CACNG4: variants seen among roughly 807,000 people sequenced by gnomAD.
CACNG4 encodes the protein calcium voltage-gated channel auxiliary subunit gamma 4.
Under a neutral mutation model 22.9 loss-of-function variants are expected in CACNG4, and 8 were observed. The observed-to-expected ratio is 0.35, with a 90% CI of 0.21 to 0.63. CACNG4 has a LOEUF of 0.63. CACNG4 is among the 30% of genes least tolerant of loss of function. CACNG4 has a pLI of 0.72. For synonymous variants in CACNG4, 188 were observed against 191.9 expected (o/e 0.98, Z 0.17); for missense variants, 357 against 455.4 (o/e 0.78, Z 1.97).
At chr17:67,003,614 G>T (rs970145379) in intron 1 of CACNG4, among the ~76,000 whole-genome samples, 2 of 152,140 alleles carry the variant, frequency 1.3e-5, no homozygotes, top group African/African-American at 4.8e-5. Flanking sequence ...GTCATCCTGT[G>T]CATTGTAGAA....
chr17:67,017,741 C>G (rs530771666), intron 1 of CACNG4, among the ~76,000 whole-genome samples: 66 of 152,146 alleles, frequency 4.3e-4, no homozygotes, highest in Admixed American at 1.2e-3. Context: ...TGGTCTCGAT[C>G]TTCTGACCTC....
intron 1 of CACNG4, 69 bp downstream of exon 1, chr17:66,965,200 GCGCGCGCGCGCGCACA>G: frequency 3.2e-6 from 2 of 615,750 alleles, no homozygotes; most frequent in Non-Finnish European, 2.3e-6. Flanking sequence ...ACACACGCGC[GCGCGCGCGCGCGCACA>G]CACACACACG....
At chr17:66,965,212 GCACACACACA>G in intron 1 of CACNG4, 81 bp downstream of exon 1, 4 of 639,036 alleles carry the variant, frequency 6.3e-6, no homozygotes, top group Non-Finnish European at 9.4e-6. Flanking sequence ...GCGCGCGCGC[GCACACACACA>G]CACGCGCACA....
intron 1 of CACNG4, among the ~76,000 whole-genome samples, chr17:66,991,477 T>TG (rs2035340295): frequency 6.6e-6 from 1 of 152,210 alleles, no homozygotes; most frequent in African/African-American, 2.4e-5. Context: ...CAGGGGGCTA[T>TG]GCAGGTCGGT....
chr17:67,017,801 C>G (rs1286350455), intron 1 of CACNG4, among the ~76,000 whole-genome samples: 1 of 152,152 alleles, frequency 6.6e-6, no homozygotes, highest in Non-Finnish European at 1.5e-5. Context: ...CAGGCATGAG[C>G]CACCGTGCCC....
chr17:67,013,541 A>G (rs1000124109), intron 1 of CACNG4, among the ~76,000 whole-genome samples: 1 of 152,116 alleles, frequency 6.6e-6, no homozygotes, highest in Non-Finnish European at 1.5e-5. Context: ...GTGATGGCTC[A>G]CACCCGTAAA....
intron 3 of CACNG4, among the ~76,000 whole-genome samples, chr17:67,029,503 G>A (rs1332003926): frequency 1.3e-5 from 2 of 151,484 alleles, no homozygotes; most frequent in Non-Finnish European, 2.9e-5. Context: ...GTGTGGTGGC[G>A]GGCGCCTGTA....
At chr17:66,971,110 G>A (rs2035201499) in intron 1 of CACNG4, among the ~76,000 whole-genome samples, 1 of 152,200 alleles carries the variant, frequency 6.6e-6, no homozygotes, top group Admixed American at 6.5e-5. Flanking sequence ...AATGGGGCCT[G>A]ACTGTTCTGG....
intron 1 of CACNG4, among the ~76,000 whole-genome samples, chr17:66,968,514 A>ACCCTCCTCCTCTGCCTCCTCTCCCCTC (rs2035184114): frequency 8.5e-5 from 1 of 11,810 alleles, no homozygotes; most frequent in African/African-American, 3.9e-4. Context: ...CCTCTCCCCT[A>ACCCTCCTCCTCTGCCTCCTCTCCCCTC]CCCTCCTCCT....
chr17:67,019,037 A>C (rs1410402839), intron 2 of CACNG4, among the ~76,000 whole-genome samples: 2 of 152,100 alleles, frequency 1.3e-5, no homozygotes, highest in Non-Finnish European at 2.9e-5. Context: ...AAATAGAAAA[A>C]TTGCACCATT....
chr17:67,015,503 G>A (rs533142056), intron 1 of CACNG4, among the ~76,000 whole-genome samples: 3 of 152,298 alleles, frequency 2.0e-5, no homozygotes, highest in South Asian at 2.1e-4. Context: ...AGTTTTGCAC[G>A]ATGTTGTCAT....
chr17:66,997,796 A>C (rs2035384488), intron 1 of CACNG4, among the ~76,000 whole-genome samples: 1 of 152,092 alleles, frequency 6.6e-6, no homozygotes, highest in Non-Finnish European at 1.5e-5. Flanking sequence ...CAGCCTGGGC[A>C]ATGGGAGTGA....
At chr17:66,979,978 A>T (rs1180557243) in intron 1 of CACNG4, among the ~76,000 whole-genome samples, 3 of 149,316 alleles carry the variant, frequency 2.0e-5, no homozygotes, top group South Asian at 2.1e-4. Flanking sequence ...CTGGTCTTGA[A>T]CTCCTGACCT....
intron 1 of CACNG4, 61 bp downstream of exon 1, chr17:66,965,192 A>G (rs1364701645): frequency 1.8e-5 from 18 of 998,622 alleles, no homozygotes; most frequent in South Asian, 9.8e-5. Context: ...ACACATATAC[A>G]CACGCGCGCG....
chr17:67,027,512 T>G lies in CACNG4; in HGVS notation c.445+2512T>G, dbSNP rs1027248978. Among the ~76,000 whole-genome samples, 2 of 151,796 alleles carry G rather than the reference T, an allele frequency of 1.3e-5. No homozygotes were observed. The highest frequency in any genetic ancestry group is 2.9e-5 in the Non-Finnish European group (2 of 67,942). On this transcript the variant is annotated intron_variant, in intron 3 of 3. Transcript: ENST00000262138. This position sits in a 1 kb window ranked among gnomAD's most constrained non-coding sequence, Gnocchi z 4.3. ...CAGGCCACCAGCCCTAGCAGGGAGG[T>G]CTGACAGGCTCTTAAAGAACTCGAG... is the stretch of plus-strand genomic sequence containing the variant.
At chr17:66,995,443 G>C (rs1415276700) in intron 1 of CACNG4, among the ~76,000 whole-genome samples, 2 of 152,186 alleles carry the variant, frequency 1.3e-5, no homozygotes, top group African/African-American at 4.8e-5. Flanking sequence ...ATGGAACCTT[G>C]CAGGGTTGGA....
At chr17:67,028,428 C>T (rs1374718609) in intron 3 of CACNG4, among the ~76,000 whole-genome samples, 1 of 152,146 alleles carries the variant, frequency 6.6e-6, no homozygotes, top group African/African-American at 2.4e-5. Context: ...TGGCGGGTGC[C>T]TGTAGTCCCA....
chr17:66,988,317 G>A (rs779339711), intron 1 of CACNG4, among the ~76,000 whole-genome samples: 108 of 152,108 alleles, frequency 7.1e-4, no homozygotes, highest in Non-Finnish European at 2.9e-4. Flanking sequence ...CGGCCAGTCC[G>A]GTCATCAGAA....
chr17:67,025,180 G>C (rs892633990), intron 3 of CACNG4, among the ~76,000 whole-genome samples, 180 bp downstream of exon 3: 3 of 152,240 alleles, frequency 2.0e-5, no homozygotes, highest in Non-Finnish European at 2.9e-5. Flanking sequence ...GGAGAATGGG[G>C]AGCAGCTGCC....
Sources: gnomAD v4.1 joint callset for allele counts (sites outside exome capture counted in the v4.1 genomes callset) on GRCh38, gnomAD v4.1.1 for gene constraint, Gnocchi (gnomAD v3.1) non-coding constraint, MANE v1.5 for transcripts, NCBI Gene and HGNC (gene_info 2026-07-23, HGNC 2026-07-21) for gene names.